Variants in ME2 observed in about 807,000 individuals in gnomAD.
The protein encoded by ME2 is NAD-dependent malic enzyme, mitochondrial.
In ME2, 60 loss-of-function variants were observed where a neutral mutation model predicts 73.7. That is an observed-to-expected ratio of 0.81 (90% CI 0.66 to 1.01). The LOEUF is 1.01. Among genes scored for constraint, ME2 ranks in the 50% least tolerant of loss-of-function variants. The pLI, the probability that ME2 is intolerant of heterozygous loss-of-function variation, is 0.00. For synonymous variants in ME2, 199 were observed against 236.9 expected, an observed-to-expected ratio of 0.84 and a Z score of 1.47; for missense variants, 594 against 705.5, an observed-to-expected ratio of 0.84 and a Z score of 1.79.
At chr18:50,903,025 T>G (rs900996451) in intron 2 of ME2, among the ~76,000 whole-genome samples, 6 of 152,136 alleles carry the variant, frequency 3.9e-5, no homozygotes, top group African/African-American at 1.4e-4. Context: ...GTAAAATAGT[T>G]CAGGGTCTTT....
At chr18:50,935,565 A>G (rs1224220150) in intron 13 of ME2, 1 of 148,186 alleles carries the variant, frequency 6.7e-6, no homozygotes, top group African/African-American at 2.5e-5. Context: ...CAACGTAGTG[A>G]GACCCCCATC....
intron 1 of ME2, among the ~76,000 whole-genome samples, chr18:50,888,348 A>G (rs1916526490): frequency 1.4e-5 from 2 of 142,918 alleles, no homozygotes; most frequent in Non-Finnish European, 3.0e-5. Context: ...CTGTCTCAAA[A>G]AAAAAAAAAA....
In ME2 at chr18:50,947,086, G is replaced by T. The variant is rs1918101627; in HGVS notation, c.1657G>T (p.Val553Phe). 6.2e-7 allele frequency: 1 copy of T among 1,614,058 alleles called. No homozygotes were observed. The highest frequency in any genetic ancestry group is 8.5e-7 in the Non-Finnish European group (1 of 1,179,964). ...AGAACCTGAAGACAAGGCCAAATAT[G>T]TTAAAGAAAGAACATGGCGGAGTGA... ...YPEPEDKAKYVKERTWRSEYD... is the reference protein window; with the variant it reads ...YPEPEDKAKYFKERTWRSEYD... The change falls in exon 16 of 16, where the codon GTT (valine) becomes TTT (phenylalanine). Residue 553 changes from valine (V) to phenylalanine (F), a missense_variant. Physicochemically the swap from Val to Phe is conservative, Grantham distance 50. Transcript: ENST00000321341.
At position 50,927,721 on chromosome 18, in the gene ME2, CATATATAT is replaced by C. The variant is rs368161371; in HGVS notation, c.1314+1847_1314+1854del. Among the ~76,000 whole-genome samples, 351 of 85,448 alleles carry C rather than the reference CATATATAT, an allele frequency of 4.1e-3. 4 individuals carry two copies. The highest frequency in any genetic ancestry group is 0.025 in the South Asian group (43 of 1,748). 56.1% of individuals were successfully genotyped at this position (85,448 alleles called of 152,430 possible). A position where few individuals can be genotyped will look rare whatever the true frequency, so the allele number is the denominator to read the frequency against. ...CATCTCAAAAAAAACCCCAAAAAAC[CATATATAT>C]ATATATATATATATATATATATACA... On this transcript the variant is annotated intron_variant, in intron 12 of 15. Coordinates refer to ENST00000321341, the MANE Select transcript of ME2 (RefSeq NM_002396.5).
chr18:50,893,141 A>AAAAAAAAAAC (rs1916647385), intron 1 of ME2, among the ~76,000 whole-genome samples: 1 of 151,134 alleles, frequency 6.6e-6, no homozygotes, highest in African/African-American at 2.4e-5. Context: ...AAAAAAAAAA[A>AAAAAAAAAAC]AAAAAAAAAA....
intron 10 of ME2, among the ~76,000 whole-genome samples, chr18:50,922,971 C>A (rs113220050): frequency 0.018 from 2,696 of 152,226 alleles, 47 homozygotes; most frequent in Admixed American, 0.029. Context: ...AATATGAGTT[C>A]TCAGTTGGTT....
At chr18:50,897,500 C>T (rs1464450484) in intron 2 of ME2, among the ~76,000 whole-genome samples, 1 of 151,214 alleles carries the variant, frequency 6.6e-6, no homozygotes, top group Non-Finnish European at 1.5e-5. Flanking sequence ...CTGAGGCAGG[C>T]GGATCACCTG....
chr18:50,881,767 A>C (rs962348065), intron 1 of ME2, among the ~76,000 whole-genome samples: 1 of 152,254 alleles, frequency 6.6e-6, no homozygotes, highest in African/African-American at 2.4e-5. Flanking sequence ...CCTTGTGACC[A>C]CCTTAGTCTA....
intron 2 of ME2, among the ~76,000 whole-genome samples, chr18:50,897,873 AAAAG>A (rs1241554242): frequency 1.3e-5 from 2 of 152,124 alleles, no homozygotes; most frequent in African/African-American, 2.4e-5. Context: ...AAAAAAAAGA[AAAAG>A]AAAAAGAAAA....
At chr18:50,932,426 C>A in intron 13 of ME2, 66 bp downstream of exon 13, 4 of 1,300,126 alleles carry the variant, frequency 3.1e-6, no homozygotes, top group Non-Finnish European at 4.4e-6. Context: ...TAATGGAATT[C>A]TTTGGAATGG....
chr18:50,944,584 G>A (rs542276614), intron 15 of ME2, among the ~76,000 whole-genome samples: 4 of 152,264 alleles, frequency 2.6e-5, no homozygotes, highest in Admixed American at 6.5e-5. Context: ...TGCCTTGCCC[G>A]TAATCTTTTT....
chr18:50,947,335 G>T lies in ME2; in HGVS notation c.*151G>T. 2 of 689,424 alleles carry T rather than the reference G, an allele frequency of 2.9e-6. No homozygotes were observed. Among genetic ancestry groups the T allele is most frequent in the Non-Finnish European group, 2.4e-6 (1 of 412,880 alleles). 42.7% of individuals were successfully genotyped at this position (689,424 alleles called of 1,614,324 possible). On this transcript the variant is annotated 3_prime_UTR_variant, in exon 16 of 16. Transcript: ENST00000321341. ...ATTTTTTCCATGCGTCTCCACATCT[G>T]TTGGGGTAGACGTGTTGATTGATTG...
intron 4 of ME2, chr18:50,915,957 C>A: frequency 5.1e-6 from 2 of 391,280 alleles, no homozygotes; most frequent in South Asian, 9.8e-5. Flanking sequence ...TATCATTTAA[C>A]AATAATCTTT....
chr18:50,924,148 C>A lies in ME2; in HGVS notation c.1107C>A (p.Ala369=), dbSNP rs1211055968. ...ATCAGGAACCATTTACTCACTCAGC[C>A]CCAGAGAGCATACCTGATACTTTTG... is the stretch of plus-strand genomic sequence containing the variant. ...DSYQEPFTHS[A]PESIPDTFED... is the part of the protein sequence containing the mutation. Residue 369 remains alanine, a synonymous_variant, in exon 11 of 16, where the codon GCC becomes GCA. Transcript: ENST00000321341. The A allele has an allele frequency of 1.9e-6, 3 of 1,613,050 alleles. No homozygotes were observed. In the Admixed American group the frequency reaches 5.0e-5, roughly 27 times the overall value.
intron 6 of ME2, 71 bp from the exon 7 acceptor site, chr18:50,918,026 AATTTTTTATTTTG>A: frequency 1.3e-6 from 1 of 787,706 alleles, no homozygotes; most frequent in Non-Finnish European, 1.9e-6. Context: ...TTGTATTAGT[AATTTTTTATTTTG>A]CAATTTTTAT....
chr18:50,944,423 T>C lies in ME2; in HGVS notation c.1588-2594T>C, dbSNP rs527632856. ...TAGGAGCAAATAAGGAAGTGGTGAG[T>C]AGAGGAGGCAGAGCTTTGTGTCTGT... On this transcript the variant is annotated intron_variant, in intron 15 of 15. Transcript: ENST00000321341. 2.6e-4 allele frequency among the ~76,000 whole-genome samples: 39 copies of C among 152,056 alleles called. 1 individual carries two copies. The South Asian group carries it at 7.7e-3, about 30-fold the overall frequency.
At chr18:50,907,509 C>T (rs79282823) in intron 2 of ME2, among the ~76,000 whole-genome samples, 3,088 of 152,218 alleles carry the variant, frequency 0.02, 96 homozygotes, top group African/African-American at 0.07. Context: ...TGCTTTGATA[C>T]GAAGAATTTA....
intron 1 of ME2, among the ~76,000 whole-genome samples, chr18:50,890,587 A>AT (rs940918648): frequency 6.6e-6 from 1 of 152,032 alleles, no homozygotes; most frequent in East Asian, 1.9e-4. Context: ...TATCTATATC[A>AT]TTTTTTCCTT....
At chr18:50,946,452 G>A (rs78024578) in intron 15 of ME2, among the ~76,000 whole-genome samples, 1 of 152,296 alleles carries the variant, frequency 6.6e-6, no homozygotes, top group African/African-American at 2.4e-5. Context: ...AATAATGATA[G>A]CACTTATCTC....
Sources: allele counts gnomAD v4.1 joint callset (sites outside exome capture counted in the v4.1 genomes callset), GRCh38; gene constraint gnomAD v4.1.1; transcripts MANE v1.5; gene names NCBI Gene and HGNC (gene_info 2026-07-23, HGNC 2026-07-21).